Variants in RGS7 observed in about 807,000 individuals in gnomAD.
The protein encoded by RGS7 is regulator of G-protein signaling 7.
A neutral mutation model predicts 81.1 loss-of-function variants in RGS7; 27 were observed. The ratio of observed to expected loss-of-function variants is 0.33; its 90% confidence interval spans 0.25 to 0.46. The LOEUF is 0.46. Among genes scored for constraint, RGS7 ranks in the 20% least tolerant of loss-of-function variants. The pLI is 1.00. For synonymous variants in RGS7, 208 were observed against 207.7 expected (o/e 1.00, Z -0.01); for missense variants, 396 against 607.4 (o/e 0.65, Z 3.66).
chr1:241,267,443 C>T (rs1298251327), intron 2 of RGS7, among the ~76,000 whole-genome samples: 1 of 152,204 alleles, frequency 6.6e-6, no homozygotes, highest in Non-Finnish European at 1.5e-5. Context: ...CTTCGATGTT[C>T]TAAAAATTCA....
intron 2 of RGS7, among the ~76,000 whole-genome samples, chr1:241,186,731 T>C (rs1459937985): frequency 6.6e-6 from 1 of 151,888 alleles, no homozygotes; most frequent in Non-Finnish European, 1.5e-5. Flanking sequence ...TTCTCCATGT[T>C]GGTCAGGCTG....
chr1:240,894,557 C>A (rs78517247), intron 6 of RGS7, among the ~76,000 whole-genome samples: 4 of 151,542 alleles, frequency 2.6e-5, no homozygotes, highest in Non-Finnish European at 2.9e-5. Context: ...TTAATTATAA[C>A]GACCATATTT....
At position 241,056,184 on chromosome 1, in the gene RGS7, C is replaced by T. The variant is rs565448300; in HGVS notation, c.175+42482G>A. 7.2e-5 allele frequency among the ~76,000 whole-genome samples: 11 copies of T among 152,238 alleles called. No homozygotes were observed. In the East Asian group the frequency reaches 7.7e-4, roughly 11 times the overall value. ...AGGCAAGCTCACCCCTGCCTCAGGA[C>T]CTTTGCATACATTATTCTCTCTACT... On this transcript the variant is annotated intron_variant, in intron 3 of 18. Transcript: ENST00000440928.
Position 240,870,129 on chromosome 1 carries a change from A to C in RGS7, c.386-10T>G, listed in dbSNP as rs1447701368. 3.1e-6 allele frequency: 5 copies of C among 1,613,682 alleles called. No homozygotes were observed. The highest frequency in any genetic ancestry group is 4.2e-6 in the Non-Finnish European group (5 of 1,179,708). On this transcript the variant is annotated splice_polypyrimidine_tract_variant and intron_variant, in intron 6 of 18. Transcript: ENST00000440928. ...TTGCAGAGGTAAACGGCTGAAAAAA[A>C]AATCAATCATTTCTTGCCTGCTTAT...
chr1:241,337,153 T>G (rs2148679886), intron 2 of RGS7, among the ~76,000 whole-genome samples: 1 of 152,322 alleles, frequency 6.6e-6, no homozygotes, highest in South Asian at 2.1e-4. Context: ...ACTGGACTGT[T>G]AGGAAAATCA....
chr1:241,221,039 A>AAAGAAAG (rs2074943696), intron 2 of RGS7, among the ~76,000 whole-genome samples: 1 of 92,696 alleles, frequency 1.1e-5, no homozygotes, highest in African/African-American at 4.0e-5. Context: ...GGAAGGAAGG[A>AAAGAAAG]AAAGAAAGAA....
At chr1:241,197,575 A>G (rs1408427447) in intron 2 of RGS7, among the ~76,000 whole-genome samples, 1 of 151,806 alleles carries the variant, frequency 6.6e-6, no homozygotes, top group African/African-American at 2.4e-5. Flanking sequence ...TCTTAATCTC[A>G]AAGTAGATGG....
chr1:240,775,972 G>C lies in RGS7; in HGVS notation c.*248C>G, dbSNP rs755086476. On this transcript the variant is annotated 3_prime_UTR_variant, in exon 19 of 19. Coordinates refer to ENST00000440928, the MANE Select transcript of RGS7 (RefSeq NM_001364886.1). The stretch of plus-strand genomic sequence containing the variant: ...GCATAGTAGAAGGAGAAAGAAAGCA[G>C]ACAACAGTTTGGAATGGAGGCATTG... 26 of 616,348 alleles carry C rather than the reference G, an allele frequency of 4.2e-5. No homozygotes were observed. The highest frequency in any genetic ancestry group is 6.6e-5 in the Non-Finnish European group (22 of 333,736). 38.2% of individuals were successfully genotyped at this position (616,348 alleles called of 1,614,324 possible).
chr1:241,243,640 T>C (rs75627294), intron 2 of RGS7, among the ~76,000 whole-genome samples: 3,133 of 152,260 alleles, frequency 0.021, 112 homozygotes, highest in African/African-American at 0.071. Context: ...AGCTGCCCTT[T>C]AACAAAATAG....
At chr1:241,232,064 T>A (rs1338614009) in intron 2 of RGS7, among the ~76,000 whole-genome samples, 2 of 152,260 alleles carry the variant, frequency 1.3e-5, no homozygotes, top group Admixed American at 1.3e-4. Context: ...GTCCCAGCAC[T>A]ATTTGTTTAG....
intron 2 of RGS7, among the ~76,000 whole-genome samples, chr1:241,176,260 C>T (rs1023912410): frequency 6.6e-6 from 1 of 152,042 alleles, no homozygotes; most frequent in South Asian, 2.1e-4. Flanking sequence ...AAGATAGGAT[C>T]GAGAAGCATA....
intron 2 of RGS7, among the ~76,000 whole-genome samples, chr1:241,165,524 G>GC (rs1165361836): frequency 6.6e-6 from 1 of 150,562 alleles, no homozygotes; most frequent in Non-Finnish European, 1.5e-5. Flanking sequence ...GTAAACTATC[G>GC]CAAGAACAAA....
At chr1:241,302,780 C>T (rs2079851053) in intron 2 of RGS7, among the ~76,000 whole-genome samples, 1 of 152,164 alleles carries the variant, frequency 6.6e-6, no homozygotes, top group African/African-American at 2.4e-5. Flanking sequence ...CCTACCCTCA[C>T]CCCAAATCAT....
chr1:241,131,432 C>A (rs2067091937), intron 2 of RGS7, among the ~76,000 whole-genome samples: 1 of 152,124 alleles, frequency 6.6e-6, no homozygotes, highest in Non-Finnish European at 1.5e-5. Context: ...GTCAGTGGGA[C>A]TATGTAGGGC....
At chr1:241,161,044 A>C (rs1385050185) in intron 2 of RGS7, among the ~76,000 whole-genome samples, 10 of 142,244 alleles carry the variant, frequency 7.0e-5, no homozygotes, top group Non-Finnish European at 1.2e-4. Context: ...CCCCAACCTA[A>C]TAACACCCAA....
chr1:240,934,940 G>A (rs1228208969), intron 5 of RGS7, among the ~76,000 whole-genome samples: 1 of 136,352 alleles, frequency 7.3e-6, no homozygotes, highest in Non-Finnish European at 1.5e-5. Context: ...CCAGGCTGGA[G>A]TGCAGTGGCA....
intron 2 of RGS7, among the ~76,000 whole-genome samples, chr1:241,310,267 C>A (rs1465523371): frequency 6.6e-6 from 1 of 152,164 alleles, no homozygotes; most frequent in Non-Finnish European, 1.5e-5. Flanking sequence ...ACTGAAGTAG[C>A]ACCCTGTCTT....
At chr1:240,830,032 G>T (rs1196724810) in intron 9 of RGS7, among the ~76,000 whole-genome samples, 4 of 152,108 alleles carry the variant, frequency 2.6e-5, no homozygotes, top group Admixed American at 2.6e-4. Context: ...TGATAGGGAG[G>T]AATAAAAAGT....
chr1:241,019,170 T>G (rs746217335), intron 3 of RGS7, among the ~76,000 whole-genome samples: 10 of 152,088 alleles, frequency 6.6e-5, no homozygotes, highest in African/African-American at 1.2e-4. Flanking sequence ...TTCATCACAT[T>G]TACTATTTAA....
Sources: allele counts gnomAD v4.1 joint callset (sites outside exome capture counted in the v4.1 genomes callset), GRCh38; gene constraint gnomAD v4.1.1; transcripts MANE v1.5; gene names NCBI Gene and HGNC (gene_info 2026-07-23, HGNC 2026-07-21).